THSD7B: variants seen among roughly 807,000 people sequenced by gnomAD.
THSD7B encodes thrombospondin type 1 domain containing 7B.
In THSD7B, 138 loss-of-function variants were observed where a neutral mutation model predicts 213.6. That is an observed-to-expected ratio of 0.65 (90% CI 0.56 to 0.74). The LOEUF (loss-of-function observed/expected upper bound fraction) is 0.74, where lower values mean the gene tolerates loss of function less well. Ranked by LOEUF, THSD7B falls within the 30% of genes least tolerant of loss-of-function variation. THSD7B has a pLI of 0.00. For missense variants in THSD7B, 1,931 were observed against 1,991.5 expected (o/e 0.97, Z 0.58); for synonymous variants, 742 against 687.0 (o/e 1.08, Z -1.25).
At chr2:136,792,565 G>A (rs1279126862) in intron 1 of THSD7B, among the ~76,000 whole-genome samples, 60 of 152,012 alleles carry the variant, frequency 3.9e-4, no homozygotes, top group Non-Finnish European at 4.4e-5. Context: ...TGTGACAAAT[G>A]TACCACTGTG....
Position 137,662,242 on chromosome 2 carries a change from C to CT in THSD7B, c.4459-1126dup, listed in dbSNP as rs57630973. 5.2e-3 allele frequency among the ~76,000 whole-genome samples: 483 copies of CT among 92,414 alleles called. 6 individuals carry two copies. The highest frequency in any genetic ancestry group is 0.01 in the African/African-American group (239 of 23,536). The allele number at this position is 92,414 out of a possible 152,430, so 60.6% of individuals were successfully genotyped here. A position where few individuals can be genotyped will look rare whatever the true frequency, so the allele number is the denominator to read the frequency against. ...GACGCCCGGCTAATTTTTTTTTTTT[C>CT]TTTTTTTTTTTTTTTGTATTTTTGG... On this transcript the variant is annotated intron_variant, in intron 25 of 27. Coordinates refer to ENST00000409968, the MANE Select transcript of THSD7B (RefSeq NM_001316349.2).
intron 7 of THSD7B, among the ~76,000 whole-genome samples, chr2:137,222,570 T>G (rs34811789): frequency 6.6e-6 from 1 of 152,314 alleles, no homozygotes; most frequent in East Asian, 1.9e-4. Context: ...GTCTGCTTTT[T>G]TCCTGTATAC....
intron 14 of THSD7B, among the ~76,000 whole-genome samples, chr2:137,447,951 T>C (rs1192522638): frequency 1.3e-5 from 2 of 152,122 alleles, no homozygotes; most frequent in African/African-American, 4.8e-5. Context: ...GAAAAAAATA[T>C]GAGAATGCAT....
At chr2:137,336,634 C>G (rs928172397) in intron 12 of THSD7B, among the ~76,000 whole-genome samples, 2 of 152,180 alleles carry the variant, frequency 1.3e-5, no homozygotes, top group Middle Eastern at 3.4e-3. Context: ...TGTGCTAAGA[C>G]CATGAGGAGC....
At chr2:136,817,037 A>C (rs1383256383) in intron 1 of THSD7B, among the ~76,000 whole-genome samples, 1 of 152,168 alleles carries the variant, frequency 6.6e-6, no homozygotes, top group Non-Finnish European at 1.5e-5. Context: ...AGGAGTGAAG[A>C]TCTTCAACTT....
At chr2:137,337,970 A>T (rs932173655) in intron 12 of THSD7B, among the ~76,000 whole-genome samples, 2 of 152,060 alleles carry the variant, frequency 1.3e-5, no homozygotes, top group Non-Finnish European at 2.9e-5. Context: ...TAATCTGGTT[A>T]TTTAGTGCTA....
chr2:137,066,873 CT>C (rs1421846984), intron 3 of THSD7B, among the ~76,000 whole-genome samples: 1 of 151,962 alleles, frequency 6.6e-6, no homozygotes, highest in Non-Finnish European at 1.5e-5. Flanking sequence ...CTTGGATAGT[CT>C]TTTAAGTCTT....
intron 7 of THSD7B, among the ~76,000 whole-genome samples, chr2:137,189,665 G>A (rs1223262321): frequency 6.6e-6 from 1 of 151,712 alleles, no homozygotes; most frequent in African/African-American, 2.4e-5. Flanking sequence ...TACTTGCCAT[G>A]GTACCATGCT....
intron 17 of THSD7B, among the ~76,000 whole-genome samples, chr2:137,588,553 G>A (rs1285265128): frequency 6.0e-5 from 9 of 148,840 alleles, no homozygotes; most frequent in Admixed American, 4.0e-4. Flanking sequence ...TTCCATTTTA[G>A]CATTTATATT....
chr2:137,031,831 C>CT (rs542117596), intron 2 of THSD7B, among the ~76,000 whole-genome samples: 49,253 of 137,132 alleles, frequency 0.36, 11,116 homozygotes, highest in Non-Finnish European at 0.51. Context: ...CTTTTCTTTC[C>CT]TTTTTTTTTT....
chr2:136,909,962 T>C (rs1684230603), intron 2 of THSD7B, among the ~76,000 whole-genome samples: 1 of 152,220 alleles, frequency 6.6e-6, no homozygotes, highest in South Asian at 2.1e-4. Context: ...AGGAATGTGG[T>C]TGGCAAACGA....
intron 4 of THSD7B, among the ~76,000 whole-genome samples, chr2:137,102,818 C>T (rs2104926584): frequency 6.6e-6 from 1 of 152,136 alleles, no homozygotes; most frequent in South Asian, 2.1e-4. Context: ...TGAAATAAAG[C>T]ATGAAGACAA....
intron 14 of THSD7B, among the ~76,000 whole-genome samples, chr2:137,427,383 C>T (rs369299771): frequency 6.6e-6 from 1 of 151,892 alleles, no homozygotes; most frequent in African/African-American, 2.4e-5. Context: ...TCACAACAGC[C>T]AAGATATGAA....
intron 15 of THSD7B, among the ~76,000 whole-genome samples, chr2:137,482,746 T>C (rs1356367393): frequency 6.6e-6 from 1 of 152,130 alleles, no homozygotes; most frequent in Non-Finnish European, 1.5e-5. Flanking sequence ...TTTTCCTTTT[T>C]TAGTGTGTAC....
At chr2:136,965,619 C>T (rs903996270) in intron 2 of THSD7B, among the ~76,000 whole-genome samples, 3 of 152,114 alleles carry the variant, frequency 2.0e-5, no homozygotes, top group Non-Finnish European at 4.4e-5. Context: ...TCTAAGGCCC[C>T]TTTCTTTGTT....
intron 2 of THSD7B, among the ~76,000 whole-genome samples, chr2:136,912,458 G>C (rs143028318): frequency 4.2e-4 from 64 of 151,892 alleles, no homozygotes; most frequent in African/African-American, 1.5e-3. Context: ...GTGCTTTCCT[G>C]CTGTGTTACT....
intron 3 of THSD7B, among the ~76,000 whole-genome samples, chr2:137,079,472 T>C (rs1405241766): frequency 6.6e-6 from 1 of 152,222 alleles, no homozygotes; most frequent in Non-Finnish European, 1.5e-5. Flanking sequence ...AAAGTGTTTT[T>C]ATTTGTCTCT....
intron 17 of THSD7B, among the ~76,000 whole-genome samples, chr2:137,583,388 G>A (rs143114180): frequency 0.034 from 5,241 of 152,206 alleles, 258 homozygotes; most frequent in African/African-American, 0.11. Flanking sequence ...GTTGTTTTTG[G>A]TGTTTTAGAC....
intron 27 of THSD7B, among the ~76,000 whole-genome samples, chr2:137,671,244 TTTTAAA>T (rs1558878790): frequency 5.0e-5 from 2 of 39,670 alleles, no homozygotes; most frequent in African/African-American, 1.0e-4. Flanking sequence ...GCTTTTTTTT[TTTTAAA>T]AAAAAAAAAA....
Sources: allele counts gnomAD v4.1 joint callset (sites outside exome capture counted in the v4.1 genomes callset), GRCh38; gene constraint gnomAD v4.1.1; transcripts MANE v1.5; gene names NCBI Gene and HGNC (gene_info 2026-07-23, HGNC 2026-07-21).